The following UBXN2A variants were observed in gnomAD, a reference collection of about 807,000 sequenced individuals.
The protein encoded by UBXN2A is UBX domain-containing protein 2A.
In UBXN2A, 28 loss-of-function variants were observed where a neutral mutation model predicts 28.4. That is an observed-to-expected ratio of 0.99 (90% CI 0.73 to 1.35). The LOEUF (loss-of-function observed/expected upper bound fraction) is 1.35, where lower values mean the gene tolerates loss of function less well. Ranked by LOEUF, UBXN2A falls within the 40% of genes most tolerant of loss-of-function variation. The probability of loss-of-function intolerance (pLI) is 0.00; values close to 1 mark genes in which losing one functional copy is unlikely to be tolerated. For missense variants in UBXN2A, 253 were observed against 297.9 expected (o/e 0.85, Z 1.11); for synonymous variants, 97 against 103.6 (o/e 0.94, Z 0.39).
At chr2:23,942,156 GTTGT>G (rs558193602) in intron 1 of UBXN2A, among the ~76,000 whole-genome samples, 104 of 152,288 alleles carry the variant, frequency 6.8e-4, no homozygotes, top group Non-Finnish European at 1.4e-3. Context: ...AAGAATGTAA[GTTGT>G]TTGTGAGAGA....
chr2:23,957,944 G>A (rs955210842), intron 1 of UBXN2A, among the ~76,000 whole-genome samples: 8 of 152,232 alleles, frequency 5.3e-5, no homozygotes, highest in Admixed American at 6.5e-5. Flanking sequence ...TGTAGAGTCA[G>A]TCTCACTATT....
chr2:23,929,605 T>C (rs1020435398), intron 1 of UBXN2A, among the ~76,000 whole-genome samples: 7 of 151,448 alleles, frequency 4.6e-5, no homozygotes, highest in African/African-American at 1.7e-4. Flanking sequence ...CCCAGCTATT[T>C]GGGAGGCTGA....
At chr2:23,954,597 C>T (rs1015688361) in intron 1 of UBXN2A, among the ~76,000 whole-genome samples, 1 of 152,222 alleles carries the variant, frequency 6.6e-6, no homozygotes, top group Admixed American at 6.6e-5. Context: ...TTTTTAATAG[C>T]CATCCTAGTG....
At chr2:23,956,045 A>G (rs996994362) in intron 1 of UBXN2A, among the ~76,000 whole-genome samples, 8 of 152,136 alleles carry the variant, frequency 5.3e-5, no homozygotes, top group African/African-American at 1.7e-4. Context: ...TTGTATTTTT[A>G]GTAGAGATGG....
rs201343589 is a variant in UBXN2A at position 23,971,433 on chromosome 2, C to T, written c.180+19C>T. On this transcript the variant is annotated intron_variant, in intron 3 of 6. Coordinates refer to ENST00000309033, the MANE Select transcript of UBXN2A (RefSeq NM_181713.4). The stretch of plus-strand genomic sequence containing the variant: ...GAAACAGGTAAATAAATGTCTATTA[C>T]TTTTCTTTTTCTTTCAGTGTTTCTC... The T allele has an allele frequency of 2.2e-4, 336 of 1,509,096 alleles. 4 individuals are homozygous for T. The South Asian group carries it at 4.4e-3, about 20-fold the overall frequency. 93.5% of individuals were successfully genotyped at this position (1,509,096 alleles called of 1,614,324 possible).
At position 24,000,931 on chromosome 2, in the gene UBXN2A, G is replaced by A. The variant is rs1413402241; in HGVS notation, c.*1064G>A. 1 of 152,116 alleles carries A rather than the reference G, an allele frequency of 6.6e-6. No homozygotes were observed. Among genetic ancestry groups the A allele is most frequent in the Non-Finnish European group, 1.5e-5 (1 of 68,018 alleles). The allele number at this position is 152,116 out of a possible 1,614,324, so 9.4% of individuals were successfully genotyped here. On this transcript the variant is annotated 3_prime_UTR_variant, in exon 7 of 7. Transcript: ENST00000309033. The stretch of plus-strand genomic sequence containing the variant: ...TGCCACCACTCACTTAGAATATAAT[G>A]CCGGTGTGTGTCACATTACTAGTAT...
Position 23,999,841 on chromosome 2 carries a change from T to G in UBXN2A, c.754T>G (p.Ser252Ala), listed in dbSNP as rs749368535. Reference sequence around the variant, plus strand: ...CATTCAGAGACTCCAAAAAACTGCATCTTTTAGAGAACTTTCAGAGCACTG... The same window carrying G: ...CATTCAGAGACTCCAAAAAACTGCAGCTTTTAGAGAACTTTCAGAGCACTG... ...VIIQRLQKTA[S>A]FRELSEH Residue 252 changes from serine (S) to alanine (A), a missense_variant, in exon 7 of 7, where the codon TCT (serine) becomes GCT (alanine). Coordinates refer to ENST00000309033, the MANE Select transcript of UBXN2A (RefSeq NM_181713.4). The G allele has an allele frequency of 6.2e-7, 1 of 1,612,690 alleles. No homozygotes were observed. The highest frequency in any genetic ancestry group is 1.1e-5 in the South Asian group (1 of 90,700).
intron 1 of UBXN2A, among the ~76,000 whole-genome samples, chr2:23,956,083 C>T (rs1456418828): frequency 6.6e-6 from 1 of 151,378 alleles, no homozygotes; most frequent in Non-Finnish European, 1.5e-5. Context: ...AGGCTGGTCT[C>T]GAACTCCTGG....
At chr2:23,981,753 G>T (rs553540823) in intron 4 of UBXN2A, among the ~76,000 whole-genome samples, 1 of 151,778 alleles carries the variant, frequency 6.6e-6, no homozygotes, top group Admixed American at 6.6e-5. Context: ...AATTAGCCGG[G>T]CATGGTGGCC....
chr2:23,932,010 CAAAAAAA>C (rs959769962), intron 1 of UBXN2A, among the ~76,000 whole-genome samples: 1 of 131,234 alleles, frequency 7.6e-6, no homozygotes, highest in Non-Finnish European at 1.6e-5. Context: ...GACTCCGTCT[CAAAAAAA>C]AAAAAGAAAA....
intron 1 of UBXN2A, among the ~76,000 whole-genome samples, chr2:23,943,431 A>T (rs551035147): frequency 6.6e-6 from 1 of 152,268 alleles, no homozygotes; most frequent in Admixed American, 6.5e-5. Context: ...TAATAATTTT[A>T]TATTCACACC....
rs778980014 is a variant in UBXN2A at position 23,999,843 on chromosome 2, T to C, written c.756T>C (p.Ser252=). Residue 252 remains serine (S), a synonymous_variant, in exon 7 of 7, where the codon TCT becomes TCC. Transcript: ENST00000309033. ...VIIQRLQKTA[S]FRELSEH ...TTCAGAGACTCCAAAAAACTGCATC[T>C]TTTAGAGAACTTTCAGAGCACTGAT... is the stretch of plus-strand genomic sequence containing the variant. The C allele has an allele frequency of 1.9e-6, 3 of 1,612,682 alleles. No individual in the cohort carries two copies. Among genetic ancestry groups the C allele is most frequent in the Non-Finnish European group, 2.5e-6 (3 of 1,179,674 alleles).
intron 6 of UBXN2A, among the ~76,000 whole-genome samples, chr2:23,988,122 CAAA>C (rs34140980): frequency 1.9e-4 from 23 of 121,024 alleles, no homozygotes; most frequent in Non-Finnish European, 1.9e-4. Flanking sequence ...GGCTCCATCT[CAAA>C]AAAAAAAAAA....
chr2:23,936,770 G>T (rs1183485833), upstream of UBXN2A, among the ~76,000 whole-genome samples: 1 of 152,256 alleles, frequency 6.6e-6, no homozygotes, highest in East Asian at 1.9e-4. Context: ...GAGTGCAGTG[G>T]CGTGATCTCG....
intron 2 of UBXN2A, among the ~76,000 whole-genome samples, chr2:23,966,974 G>T (rs1349255845): frequency 6.6e-6 from 1 of 151,462 alleles, no homozygotes; most frequent in African/African-American, 2.4e-5. Context: ...GCCCAGGCTG[G>T]TCTCCAATCC....
intron 1 of UBXN2A, among the ~76,000 whole-genome samples, chr2:23,949,816 A>G (rs1045909006): frequency 1.3e-5 from 2 of 151,584 alleles, no homozygotes; most frequent in Non-Finnish European, 2.9e-5. Context: ...CGGAGGTTGC[A>G]GTAAGCTGAG....
At chr2:23,980,122 C>G (rs1410970782) in intron 4 of UBXN2A, among the ~76,000 whole-genome samples, 1 of 152,180 alleles carries the variant, frequency 6.6e-6, no homozygotes, top group Non-Finnish European at 1.5e-5. Context: ...AGAAGTCACT[C>G]TCCATTTTCC....
chr2:23,953,346 A>T (rs1487158024), intron 1 of UBXN2A, among the ~76,000 whole-genome samples: 1 of 152,124 alleles, frequency 6.6e-6, no homozygotes, highest in African/African-American at 2.4e-5. Flanking sequence ...GATGATTATC[A>T]AGTTGTGGCC....
At chr2:23,962,257 G>A (rs1706960385) in intron 2 of UBXN2A, among the ~76,000 whole-genome samples, 1 of 152,156 alleles carries the variant, frequency 6.6e-6, no homozygotes, top group Non-Finnish European at 1.5e-5. Context: ...TCACCCATAT[G>A]AACAACAGCT....
Sources: allele counts gnomAD v4.1 joint callset (sites outside exome capture counted in the v4.1 genomes callset), GRCh38; gene constraint gnomAD v4.1.1; transcripts MANE v1.5; gene names NCBI Gene and HGNC (gene_info 2026-07-23, HGNC 2026-07-21).